THSD7B: variants seen among roughly 807,000 people sequenced by gnomAD.
The protein encoded by THSD7B is thrombospondin type-1 domain-containing protein 7B.
Under a neutral mutation model 213.6 loss-of-function variants are expected in THSD7B, and 138 were observed. That is an observed-to-expected ratio of 0.65 (90% CI 0.56 to 0.74). THSD7B has a LOEUF of 0.74. Ranked by LOEUF, THSD7B falls within the 30% of genes least tolerant of loss-of-function variation. The pLI is 0.00. For synonymous variants in THSD7B, 742 were observed against 687.0 expected (o/e 1.08, Z -1.25); for missense variants, 1,931 against 1,991.5 (o/e 0.97, Z 0.58).
intron 2 of THSD7B, among the ~76,000 whole-genome samples, chr2:137,040,882 G>T (rs1686871187): frequency 6.6e-6 from 1 of 152,066 alleles, no homozygotes; most frequent in South Asian, 2.1e-4. Flanking sequence ...ACCCCAAAGT[G>T]GTATAAGCTT....
At chr2:137,569,551 C>A (rs781122339) in intron 16 of THSD7B, among the ~76,000 whole-genome samples, 22 of 152,054 alleles carry the variant, frequency 1.4e-4, no homozygotes, top group Non-Finnish European at 3.1e-4. Flanking sequence ...TTCAATAAAT[C>A]CTTCAGTTTT....
Position 136,893,674 on chromosome 2 carries a change from T to C in THSD7B, c.139+11357T>C, listed in dbSNP as rs76210048. ...GTCAATTTTTATTGGAATCAAAGTT[T>C]TTAAAAGCCCACCTTCTTCTGTGTA... On this transcript the variant is annotated intron_variant, in intron 2 of 27. Transcript: ENST00000409968. 6.3e-3 allele frequency among the ~76,000 whole-genome samples: 954 copies of C among 152,292 alleles called. 10 individuals carry two copies. The highest frequency in any genetic ancestry group is 0.021 in the African/African-American group (888 of 41,580).
intron 10 of THSD7B, among the ~76,000 whole-genome samples, chr2:137,259,906 T>C (rs1682401163): frequency 6.6e-6 from 1 of 151,946 alleles, no homozygotes; most frequent in Non-Finnish European, 1.5e-5. Context: ...GGGTTTTCTT[T>C]ATTTGTGTGT....
At chr2:136,973,950 A>T (rs1685442040) in intron 2 of THSD7B, among the ~76,000 whole-genome samples, 1 of 152,178 alleles carries the variant, frequency 6.6e-6, no homozygotes, top group South Asian at 2.1e-4. Context: ...GAAAGATTTT[A>T]TTCTTAAATG....
At chr2:137,617,043 T>A (rs1682400956) in intron 18 of THSD7B, among the ~76,000 whole-genome samples, 1 of 148,290 alleles carries the variant, frequency 6.7e-6, no homozygotes, top group Non-Finnish European at 1.5e-5. Context: ...AAAAAAAAAA[T>A]CCTCACCACA....
intron 12 of THSD7B, among the ~76,000 whole-genome samples, chr2:137,396,634 T>G (rs1383076621): frequency 5.7e-5 from 8 of 139,578 alleles, no homozygotes; most frequent in African/African-American, 1.8e-4. Flanking sequence ...AAAAAATGTA[T>G]ATTCTGTTGA....
intron 7 of THSD7B, among the ~76,000 whole-genome samples, chr2:137,171,804 C>T (rs1680258410): frequency 6.6e-6 from 1 of 152,090 alleles, no homozygotes; most frequent in East Asian, 1.9e-4. Flanking sequence ...GCTTTTCATT[C>T]CTTTTTTTCT....
intron 17 of THSD7B, among the ~76,000 whole-genome samples, chr2:137,597,298 G>C (rs139709681): frequency 9.5e-4 from 144 of 152,038 alleles, no homozygotes; most frequent in Admixed American, 2.4e-3. Context: ...AACAATATTA[G>C]ACCATGAAAT....
chr2:136,868,514 A>G (rs1683381565), intron 1 of THSD7B, among the ~76,000 whole-genome samples: 1 of 152,244 alleles, frequency 6.6e-6, no homozygotes, highest in African/African-American at 2.4e-5. Flanking sequence ...GCAACAATAG[A>G]TGCATAATTA....
At chr2:137,370,472 G>T (rs978380279) in intron 12 of THSD7B, among the ~76,000 whole-genome samples, 1 of 151,930 alleles carries the variant, frequency 6.6e-6, no homozygotes, top group African/African-American at 2.4e-5. Context: ...GAATGATAAG[G>T]GTTTTGTTTT....
chr2:137,400,963 C>G (rs1368217625), intron 12 of THSD7B, among the ~76,000 whole-genome samples: 1 of 152,134 alleles, frequency 6.6e-6, no homozygotes, highest in Admixed American at 6.6e-5. Flanking sequence ...TCCTCAGACC[C>G]CCGGTTGAAT....
rs1162659229 is a variant in THSD7B at position 137,655,624 on chromosome 2, A to T, written c.4069A>T (p.Ser1357Cys). 1 of 1,613,132 alleles carries T rather than the reference A, an allele frequency of 6.2e-7. No individual in the cohort carries two copies. Among genetic ancestry groups the T allele is most frequent in the Admixed American group, 1.7e-5 (1 of 59,902 alleles). Residue 1357 changes from serine to cysteine, a missense_variant, in exon 22 of 28, where the codon AGC becomes TGC. Coordinates refer to ENST00000409968, the MANE Select transcript of THSD7B (RefSeq NM_001316349.2). Reference protein sequence around the residue: ...ALCGEMPFQDSILKQLCSVPC... With the variant: ...ALCGEMPFQDCILKQLCSVPC... ...GTGTGGAGAAATGCCCTTTCAGGAC[A>T]GCATCCTGAAGCAGCTGTGTTCTGT...
chr2:137,569,698 C>A (rs775127417), intron 16 of THSD7B, among the ~76,000 whole-genome samples: 9 of 151,932 alleles, frequency 5.9e-5, no homozygotes, highest in African/African-American at 1.7e-4. Context: ...TTTTCAGATG[C>A]GCTAAGGAGT....
intron 2 of THSD7B, among the ~76,000 whole-genome samples, chr2:137,053,255 A>AAT (rs1687099923): frequency 6.6e-6 from 1 of 152,212 alleles, no homozygotes; most frequent in Admixed American, 6.5e-5. Flanking sequence ...TTTTAGAGTT[A>AAT]ATATTGGATG....
At chr2:136,925,012 G>C (rs1161780490) in intron 2 of THSD7B, among the ~76,000 whole-genome samples, 3 of 152,132 alleles carry the variant, frequency 2.0e-5, no homozygotes, top group African/African-American at 7.2e-5. Context: ...TTTGCATGTT[G>C]ATTTTGTATC....
rs534552589 is a variant in THSD7B, at chr2:137,195,238, A to G, written c.1723+24300A>G. Among the ~76,000 whole-genome samples, 3 of 147,836 alleles carry G rather than the reference A, an allele frequency of 2.0e-5. No individual in the cohort carries two copies. The South Asian group carries it at 6.3e-4, about 31-fold the overall frequency. On this transcript the variant is annotated intron_variant, in intron 7 of 27. Coordinates refer to ENST00000409968, the MANE Select transcript of THSD7B (RefSeq NM_001316349.2). ...TTTGTATGTATATGTATGTGTGTAT[A>G]TATATATATATATACACACACACAC...
At position 137,404,298 on chromosome 2, in the gene THSD7B, C is replaced by T. The variant is rs193071081; in HGVS notation, c.2501-1315C>T. 6.7e-3 allele frequency among the ~76,000 whole-genome samples: 1,017 copies of T among 150,808 alleles called. 11 individuals are homozygous for T. Among genetic ancestry groups the T allele is most frequent in the Non-Finnish European group, 8.1e-3 (549 of 67,736 alleles). On this transcript the variant is annotated intron_variant, in intron 12 of 27. Transcript: ENST00000409968. The stretch of plus-strand genomic sequence containing the variant: ...ATCAGTCCCACTACTCGGTATCTAC[C>T]CAGAGGAAAAGAAGTCATTATTCAG...
intron 15 of THSD7B, among the ~76,000 whole-genome samples, chr2:137,489,241 A>G (rs1688551003): frequency 6.6e-6 from 1 of 151,994 alleles, no homozygotes; most frequent in Non-Finnish European, 1.5e-5. Context: ...CCTGGCCAAC[A>G]TGGTGAAACC....
intron 9 of THSD7B, among the ~76,000 whole-genome samples, chr2:137,239,446 A>G (rs914330093): frequency 3.9e-5 from 6 of 152,104 alleles, no homozygotes; most frequent in South Asian, 2.1e-4. Context: ...CCTGTCCCCA[A>G]CAACCACTTT....
Sources: allele counts gnomAD v4.1 joint callset (sites outside exome capture counted in the v4.1 genomes callset), GRCh38; gene constraint gnomAD v4.1.1; transcripts MANE v1.5; gene names NCBI Gene and HGNC (gene_info 2026-07-23, HGNC 2026-07-21).